MTUS1: variants seen among roughly 807,000 people sequenced by gnomAD.
The protein encoded by MTUS1 is microtubule-associated tumor suppressor 1.
Under a neutral mutation model 120.8 loss-of-function variants are expected in MTUS1, and 109 were observed. That is an observed-to-expected ratio of 0.90 (90% CI 0.77 to 1.06). MTUS1 has a LOEUF of 1.06. MTUS1 is among the 50% of genes least tolerant of loss of function. The pLI, the probability that MTUS1 is intolerant of heterozygous loss-of-function variation, is 0.00. For synonymous variants in MTUS1, 737 were observed against 550.5 expected, an observed-to-expected ratio of 1.34 and a Z score of -4.74; for missense variants, 2,210 against 1,486.3, an observed-to-expected ratio of 1.49 and a Z score of -8.01.
intron 6 of MTUS1, among the ~76,000 whole-genome samples, chr8:17,700,810 G>A (rs949359687): frequency 5.3e-5 from 8 of 151,934 alleles, no homozygotes; most frequent in African/African-American, 1.9e-4. Flanking sequence ...AAAAATAAAC[G>A]ATGTGTAAAG....
At chr8:17,800,840 C>G (rs2052627751) in intron 1 of MTUS1, 1 of 152,514 alleles carries the variant, frequency 6.6e-6, no homozygotes, top group African/African-American at 2.4e-5. Context: ...CGACGAGATC[C>G]GCATCCGTCC....
Position 17,714,074 on chromosome 8 carries a change from G to A in MTUS1, c.2585-822C>T, listed in dbSNP as rs576210601. Among the ~76,000 whole-genome samples, 39 of 152,246 alleles carry A rather than the reference G, an allele frequency of 2.6e-4. 1 individual carries two copies. Among genetic ancestry groups the A allele is most frequent in the African/African-American group, 8.2e-4 (34 of 41,548 alleles). Reference sequence around the variant, plus strand: ...CAACAGCGTTAACTTCATTATTGCTGTGTGGATCATGGGGCTTTATCATCA... The same window carrying A: ...CAACAGCGTTAACTTCATTATTGCTATGTGGATCATGGGGCTTTATCATCA... On this transcript the variant is annotated intron_variant, in intron 5 of 14. Coordinates refer to ENST00000693296, the MANE Select transcript of MTUS1 (RefSeq NM_001363059.2).
In MTUS1 at chr8:17,743,542, A is replaced by C; in HGVS notation, c.2287+62T>G. The C allele has an allele frequency of 4.0e-6, 6 of 1,507,548 alleles. No individual in the cohort carries two copies. In the South Asian group the frequency reaches 6.2e-5, roughly 16 times the overall value. 93.4% of individuals were successfully genotyped at this position (1,507,548 alleles called of 1,614,324 possible). A position where few individuals can be genotyped will look rare whatever the true frequency, so the allele number is the denominator to read the frequency against. On this transcript the variant is annotated intron_variant, in intron 3 of 14. Transcript: ENST00000693296. ...AGTGACAGAAGGCATTAGACCTATA[A>C]TCATGACTGTCCAATTTTACATTCA...
chr8:17,736,003 C>G (rs574500231), intron 3 of MTUS1, among the ~76,000 whole-genome samples: 1 of 152,346 alleles, frequency 6.6e-6, no homozygotes, highest in South Asian at 2.1e-4. Context: ...CTTATCCCCT[C>G]ACCCTCCAAC....
At chr8:17,711,451 AG>A (rs1297397765) in intron 6 of MTUS1, among the ~76,000 whole-genome samples, 1 of 140,448 alleles carries the variant, frequency 7.1e-6, no homozygotes, top group East Asian at 2.1e-4. Flanking sequence ...GCTAGCTTCC[AG>A]CTTTTTTTTT....
chr8:17,669,655 G>A (rs555383306), intron 8 of MTUS1, among the ~76,000 whole-genome samples: 18 of 152,234 alleles, frequency 1.2e-4, no homozygotes, highest in African/African-American at 3.9e-4. Flanking sequence ...AGACCAGCCT[G>A]GCCAACATGG....
At chr8:17,765,228 C>T (rs2049381623) in intron 1 of MTUS1, among the ~76,000 whole-genome samples, 1 of 152,164 alleles carries the variant, frequency 6.6e-6, no homozygotes, top group Admixed American at 6.5e-5. Flanking sequence ...GCTGTGAACA[C>T]AGACGAAGCT....
intron 1 of MTUS1, among the ~76,000 whole-genome samples, chr8:17,758,582 T>G (rs571088410): frequency 6.6e-6 from 1 of 152,208 alleles, no homozygotes; most frequent in Non-Finnish European, 1.5e-5. Context: ...AATCAAGAAA[T>G]ATATTTATTC....
At chr8:17,678,371 AG>A (rs1180756391) in intron 7 of MTUS1, among the ~76,000 whole-genome samples, 2 of 101,340 alleles carry the variant, frequency 2.0e-5, no homozygotes, top group Non-Finnish European at 5.0e-5. Context: ...GTGAAAAAAG[AG>A]AAAGGTGGAA....
chr8:17,696,649 G>A (rs758348416), intron 6 of MTUS1, among the ~76,000 whole-genome samples: 7 of 152,128 alleles, frequency 4.6e-5, no homozygotes, highest in Middle Eastern at 3.2e-3. Flanking sequence ...CTTAGGCACC[G>A]AAAATAATAA....
intron 1 of MTUS1, among the ~76,000 whole-genome samples, chr8:17,764,732 G>C (rs972466555): frequency 2.0e-5 from 3 of 152,224 alleles, no homozygotes; most frequent in African/African-American, 7.2e-5. Flanking sequence ...CTGCATCCCA[G>C]TAAAATGATT....
chr8:17,676,484 T>A, intron 7 of MTUS1: 1 of 609,568 alleles, frequency 1.6e-6, no homozygotes, highest in Non-Finnish European at 2.9e-6. Flanking sequence ...GTCCTGCAGG[T>A]TACCGTGTGC....
intron 9 of MTUS1, among the ~76,000 whole-genome samples, chr8:17,655,377 G>C (rs1807982110): frequency 6.6e-6 from 1 of 151,750 alleles, no homozygotes; most frequent in Non-Finnish European, 1.5e-5. Flanking sequence ...TAGAAAGAAA[G>C]GGTTGTTTTT....
At position 17,672,649 on chromosome 8, in the gene MTUS1, G is replaced by C. The variant is rs988671678; in HGVS notation, c.2905+2537C>G. ...ACAGAACCAAAACCCTTCTCCAAAC[G>C]GAGAACGGTTACCATCAGATGTATG... On this transcript the variant is annotated intron_variant, in intron 8 of 14. Coordinates refer to ENST00000693296, the MANE Select transcript of MTUS1 (RefSeq NM_001363059.2). 2.0e-5 allele frequency among the ~76,000 whole-genome samples: 3 copies of C among 152,136 alleles called. No homozygotes were observed. The East Asian group carries it at 5.8e-4, about 29-fold the overall frequency.
chr8:17,732,077 T>C (rs1338401968), intron 3 of MTUS1, among the ~76,000 whole-genome samples: 1 of 152,212 alleles, frequency 6.6e-6, no homozygotes, highest in African/African-American at 2.4e-5. Flanking sequence ...TGCCGTCCTT[T>C]GCTTCCAGCC....
intron 8 of MTUS1, among the ~76,000 whole-genome samples, chr8:17,664,294 T>TA (rs1209745184): frequency 6.6e-6 from 1 of 152,042 alleles, no homozygotes; most frequent in Non-Finnish European, 1.5e-5. Context: ...AACTAAAATA[T>TA]AAAAAAGAAA....
At chr8:17,745,550 C>G (rs2047679680) in intron 2 of MTUS1, among the ~76,000 whole-genome samples, 1 of 152,140 alleles carries the variant, frequency 6.6e-6, no homozygotes, top group South Asian at 2.1e-4. Context: ...TTCATTTTTA[C>G]TATGAAACAA....
At chr8:17,792,276 G>C (rs1253659219) in intron 1 of MTUS1, among the ~76,000 whole-genome samples, 1 of 152,148 alleles carries the variant, frequency 6.6e-6, no homozygotes, top group African/African-American at 2.4e-5. Flanking sequence ...CTGAAGGATG[G>C]AGGGCTAATC....
chr8:17,666,281 TAAA>T (rs59263006), intron 8 of MTUS1, among the ~76,000 whole-genome samples: 26 of 140,730 alleles, frequency 1.8e-4, no homozygotes, highest in African/African-American at 2.9e-4. Flanking sequence ...AGTTTCAATG[TAAA>T]AAAAAAAAAA....
Sources: allele counts gnomAD v4.1 joint callset (sites outside exome capture counted in the v4.1 genomes callset), GRCh38; gene constraint gnomAD v4.1.1; transcripts MANE v1.5; gene names NCBI Gene and HGNC (gene_info 2026-07-23, HGNC 2026-07-21).